SLC2A13: variants seen among roughly 807,000 people sequenced by gnomAD.
SLC2A13 encodes the protein solute carrier family 2 member 13, also known as proton myo-inositol cotransporter.
Under a neutral mutation model 64.4 loss-of-function variants are expected in SLC2A13, and 32 were observed. The ratio of observed to expected loss-of-function variants is 0.50; its 90% CI spans 0.37 to 0.67. The LOEUF (loss-of-function observed/expected upper bound fraction) is 0.67. Among genes scored for constraint, SLC2A13 ranks in the 30% least tolerant of loss-of-function variants. SLC2A13 has a pLI of 0.00. For missense variants in SLC2A13, 743 were observed against 829.2 expected, an observed-to-expected ratio of 0.90 and a Z score of 1.28; for synonymous variants, 338 against 327.1, an observed-to-expected ratio of 1.03 and a Z score of -0.36.
intron 7 of SLC2A13, among the ~76,000 whole-genome samples, chr12:39,818,616 A>G (rs1361845560): frequency 6.6e-6 from 1 of 152,148 alleles, no homozygotes; most frequent in Non-Finnish European, 1.5e-5. Context: ...TCACCTTTGA[A>G]ATTCTGTTTC....
rs1029143523 is a variant in SLC2A13 at position 39,782,679 on chromosome 12, G to A, written c.1446-17821C>T. ...CATTGGAACTGGGTAACAGACAAAG[G>A]TTGGAACAGTTTGGAGGGATCAAAA... On this transcript the variant is annotated intron_variant, in intron 7 of 9. Transcript: ENST00000280871. Among the ~76,000 whole-genome samples, 3 of 152,272 alleles carry A rather than the reference G, an allele frequency of 2.0e-5. No homozygotes were observed. In the East Asian group the frequency reaches 5.8e-4, roughly 29 times the overall value.
rs554418513 is a variant in SLC2A13, at chr12:40,080,611, C to T, written c.556+24642G>A. Among the ~76,000 whole-genome samples the T allele has an allele frequency of 1.2e-4, 18 of 152,146 alleles. 1 individual carries two copies. The highest frequency in any genetic ancestry group is 8.5e-4 in the Admixed American group (13 of 15,304). ...TTCATCATGCTGGCCCAGCTGGTCT[C>T]GAACTCCTGACCTCAGGTGATCCAC... On this transcript the variant is annotated intron_variant, in intron 1 of 9. Transcript: ENST00000280871.
intron 7 of SLC2A13, among the ~76,000 whole-genome samples, chr12:39,772,400 C>T (rs945773558): frequency 2.6e-5 from 4 of 152,138 alleles, no homozygotes; most frequent in African/African-American, 9.6e-5. Context: ...AAAGAATAAT[C>T]ACCGTGCTAT....
At position 39,904,005 on chromosome 12, in the gene SLC2A13, TTC is replaced by T. The variant is rs1200183400; in HGVS notation, c.1035-32046_1035-32045del. 2.6e-5 allele frequency among the ~76,000 whole-genome samples: 4 copies of T among 152,176 alleles called. No homozygotes were observed. The East Asian group carries it at 7.7e-4, about 29-fold the overall frequency. On this transcript the variant is annotated intron_variant, in intron 4 of 9. Transcript: ENST00000280871. Reference sequence around the variant, plus strand: ...GCTACCTAACAGCTTGCAATCTAGATTCTGTCTGTGTCGGAGGTGCCCAAGAC... The same window carrying T: ...GCTACCTAACAGCTTGCAATCTAGATTGTCTGTGTCGGAGGTGCCCAAGAC...
intron 3 of SLC2A13, among the ~76,000 whole-genome samples, chr12:40,000,176 G>A (rs1947299774): frequency 6.6e-6 from 1 of 152,072 alleles, no homozygotes; most frequent in South Asian, 2.1e-4. Context: ...TGATTGGGAG[G>A]CTTCCCCAGC....
At chr12:39,768,010 C>A (rs1940424960) in intron 7 of SLC2A13, among the ~76,000 whole-genome samples, 1 of 152,008 alleles carries the variant, frequency 6.6e-6, no homozygotes, top group Admixed American at 6.6e-5. Context: ...AGTGTGAGAC[C>A]AGACTAATAC....
Position 39,760,106 on chromosome 12 carries a change from C to T in SLC2A13, c.1867G>A (p.Glu623Lys). Residue 623 changes from glutamate to lysine, a missense_variant, in exon 10 of 10, where the codon GAA becomes AAA. Transcript: ENST00000280871. ...CGAATATATTCAATATATCTCCCTT[C>T]ATCAGAATCTGAAGTGCCACATGTA... is the stretch of plus-strand genomic sequence containing the variant. Reference protein sequence around the residue: ...LCTCGTSDSDEGRYIEYIRVK... With the variant: ...LCTCGTSDSDKGRYIEYIRVK... 1 of 1,612,924 alleles carries T rather than the reference C, an allele frequency of 6.2e-7. No homozygotes were observed. The highest frequency in any genetic ancestry group is 8.5e-7 in the Non-Finnish European group (1 of 1,179,328).
At chr12:39,763,298 A>C (rs1028896681) in intron 9 of SLC2A13, among the ~76,000 whole-genome samples, 7 of 152,114 alleles carry the variant, frequency 4.6e-5, no homozygotes, top group African/African-American at 1.7e-4. Context: ...AGTTTTATGA[A>C]GATAATAAAA....
At chr12:40,035,724 C>T (rs1947973675) in intron 2 of SLC2A13, among the ~76,000 whole-genome samples, 1 of 152,156 alleles carries the variant, frequency 6.6e-6, no homozygotes, top group Admixed American at 6.5e-5. Context: ...GGTAAGTAAA[C>T]ATAACAAAAT....
In SLC2A13 at chr12:40,105,689, G is replaced by A. The variant is rs998059654; in HGVS notation, c.120C>T (p.Ser40=). The A allele has an allele frequency of 1.5e-5, 22 of 1,489,558 alleles. No homozygotes were observed. In the Admixed American group the frequency reaches 5.2e-4, roughly 35 times the overall value. The allele number at this position is 1,489,558 out of a possible 1,614,324, so 92.3% of individuals were successfully genotyped here. A position where few individuals can be genotyped will look rare whatever the true frequency, so the allele number is the denominator to read the frequency against. The change falls in exon 1 of 10, where the codon AGC becomes AGT. Residue 40 remains serine, a synonymous_variant. Coordinates refer to ENST00000280871, the MANE Select transcript of SLC2A13 (RefSeq NM_052885.4). The surrounding 1 kb of genome is among the most constrained non-coding windows in gnomAD (Gnocchi z 4.2). ...PDAASAAGEC[S]LLAAAESSTS... ...TGCTCGATTCGGCGGCAGCCAGGAG[G>A]CTGCACTCCCCGGCCGCGCTCGCCG...
chr12:39,942,700 A>AC (rs1946055924), intron 4 of SLC2A13, among the ~76,000 whole-genome samples: 1 of 152,204 alleles, frequency 6.6e-6, no homozygotes, highest in African/African-American at 2.4e-5. Flanking sequence ...TCGGGTGAGA[A>AC]CATGCTCCTT....
rs775240508 is a variant in SLC2A13, at chr12:39,895,653, C to A, written c.1035-23692G>T. Among the ~76,000 whole-genome samples, 507 of 77,462 alleles carry A rather than the reference C, an allele frequency of 6.5e-3. 5 individuals are homozygous for A. Among genetic ancestry groups the A allele is most frequent in the African/African-American group, 0.023 (466 of 20,382 alleles). The allele number at this position is 77,462 out of a possible 152,430, so 50.8% of individuals were successfully genotyped here. A position where few individuals can be genotyped will look rare whatever the true frequency, so the allele number is the denominator to read the frequency against. Reference sequence around the variant, plus strand: ...ACATATGTATATGCGTGTATACGTACACACATATGTATATGCGTGTATACG... The same window carrying A: ...ACATATGTATATGCGTGTATACGTAAACACATATGTATATGCGTGTATACG... On this transcript the variant is annotated intron_variant, in intron 4 of 9. Coordinates refer to ENST00000280871, the MANE Select transcript of SLC2A13 (RefSeq NM_052885.4).
chr12:39,809,663 C>G (rs1403399735), intron 7 of SLC2A13, among the ~76,000 whole-genome samples: 1 of 152,156 alleles, frequency 6.6e-6, no homozygotes, highest in African/African-American at 2.4e-5. Context: ...CCCATCCCCC[C>G]ACCCCACAAC....
chr12:40,104,507 GTGAATATGACCT>G (rs1434039117), intron 1 of SLC2A13, among the ~76,000 whole-genome samples: 1 of 152,220 alleles, frequency 6.6e-6, no homozygotes, highest in East Asian at 1.9e-4. Flanking sequence ...AATTAAGGAA[GTGAATATGACCT>G]TTAATAGATA....
At chr12:39,852,798 G>T (rs1217619377) in intron 6 of SLC2A13, among the ~76,000 whole-genome samples, 2 of 152,182 alleles carry the variant, frequency 1.3e-5, no homozygotes, top group Non-Finnish European at 1.5e-5. Context: ...GATTGGTTGT[G>T]ACCTCGTCTT....
intron 6 of SLC2A13, among the ~76,000 whole-genome samples, chr12:39,844,720 TCTCTA>T (rs1379956799): frequency 1.3e-5 from 2 of 152,000 alleles, no homozygotes; most frequent in African/African-American, 2.4e-5. Context: ...GCAAGTGGGG[TCTCTA>T]CTCAACTCAG....
At chr12:40,073,062 T>C (rs1241472920) in intron 1 of SLC2A13, among the ~76,000 whole-genome samples, 2 of 152,076 alleles carry the variant, frequency 1.3e-5, no homozygotes, top group Non-Finnish European at 2.9e-5. Context: ...GTTTGCAATA[T>C]ACATTTACAA....
At chr12:40,011,561 T>C (rs1248045195) in intron 3 of SLC2A13, among the ~76,000 whole-genome samples, 1 of 152,176 alleles carries the variant, frequency 6.6e-6, no homozygotes, top group Non-Finnish European at 1.5e-5. Flanking sequence ...GTTTGATCCT[T>C]AACATCATAA....
Position 39,785,259 on chromosome 12 carries a change from G to A in SLC2A13, c.1446-20401C>T, listed in dbSNP as rs189080706. 3.5e-3 allele frequency among the ~76,000 whole-genome samples: 535 copies of A among 152,262 alleles called. 4 individuals are homozygous for A. Among genetic ancestry groups the A allele is most frequent in the African/African-American group, 0.012 (502 of 41,548 alleles). ...GTCCCCATGCTGTGTGCAGCCTAGA[G>A]ACTTGGTGCCCTGTGTCCCAGCTGC... On this transcript the variant is annotated intron_variant, in intron 7 of 9. Transcript: ENST00000280871.
Sources: gnomAD v4.1 joint callset for allele counts (sites outside exome capture counted in the v4.1 genomes callset) on GRCh38, gnomAD v4.1.1 for gene constraint, Gnocchi (gnomAD v3.1) non-coding constraint, MANE v1.5 for transcripts, NCBI Gene and HGNC (gene_info 2026-07-23, HGNC 2026-07-21) for gene names.